The following LRMDA variants were observed in gnomAD, a reference collection of about 807,000 sequenced individuals.
LRMDA encodes leucine rich melanocyte differentiation associated, also known as leucine-rich melanocyte differentiation-associated protein.
In LRMDA, 18 loss-of-function variants were observed where a neutral mutation model predicts 29.8. The ratio of observed to expected loss-of-function variants is 0.60; its 90% CI spans 0.42 to 0.90. The LOEUF (loss-of-function observed/expected upper bound fraction) is 0.90, where lower values mean the gene tolerates loss of function less well. Among genes scored for constraint, LRMDA ranks in the 40% least tolerant of loss-of-function variants. LRMDA has a pLI of 0.00. For missense variants in LRMDA, 273 were observed against 273.9 expected (o/e 1.00, Z 0.02); for synonymous variants, 125 against 109.4 (o/e 1.14, Z -0.89).
chr10:75,759,403 C>T (rs1843068935), intron 2 of LRMDA, among the ~76,000 whole-genome samples: 1 of 152,176 alleles, frequency 6.6e-6, no homozygotes, highest in African/African-American at 2.4e-5. Context: ...CATTTCTTTG[C>T]TTCTGTTTCT....
chr10:76,395,999 A>G (rs1020493814), intron 6 of LRMDA, among the ~76,000 whole-genome samples: 3 of 152,164 alleles, frequency 2.0e-5, no homozygotes, highest in African/African-American at 7.2e-5. Flanking sequence ...TCCTTGTGAA[A>G]AGAGAAGATT....
chr10:76,366,125 G>A (rs1315557998), intron 6 of LRMDA, among the ~76,000 whole-genome samples: 7 of 152,132 alleles, frequency 4.6e-5, no homozygotes, highest in Non-Finnish European at 7.3e-5. Flanking sequence ...CCAGTACCAC[G>A]CTGTTTTGAT....
At chr10:76,308,923 G>T (rs1840594377) in intron 5 of LRMDA, among the ~76,000 whole-genome samples, 1 of 152,106 alleles carries the variant, frequency 6.6e-6, no homozygotes, top group Non-Finnish European at 1.5e-5. Flanking sequence ...CCATTGCCTT[G>T]TGATTATGTT....
At chr10:76,453,720 G>GCCC (rs1185056186) in intron 6 of LRMDA, among the ~76,000 whole-genome samples, 1 of 152,130 alleles carries the variant, frequency 6.6e-6, no homozygotes, top group East Asian at 1.9e-4. Context: ...AGATCACATG[G>GCCC]ATTTTGATGT....
intron 2 of LRMDA, among the ~76,000 whole-genome samples, chr10:75,874,466 C>T (rs1845163425): frequency 6.6e-6 from 1 of 152,216 alleles, no homozygotes; most frequent in Admixed American, 6.5e-5. Flanking sequence ...CTGAGTTACA[C>T]TTAATAAGCA....
chr10:76,233,988 T>C (rs1469004566), intron 5 of LRMDA, among the ~76,000 whole-genome samples: 1 of 152,260 alleles, frequency 6.6e-6, no homozygotes, highest in Non-Finnish European at 1.5e-5. Context: ...ATGTTCTTAG[T>C]AACATCTAGA....
rs1049149525 is a variant in LRMDA, at chr10:76,525,997, A to G, written c.602-31212A>G. 2.6e-4 allele frequency among the ~76,000 whole-genome samples: 39 copies of G among 152,130 alleles called. 1 individual carries two copies. ...CAGCTCCCCAACTGGCTGATAATGA[A>G]CAGAAGTATTAGATTCACAATTTGC... On this transcript the variant is annotated intron_variant, in intron 6 of 6. Transcript: ENST00000611255.
At chr10:76,279,303 A>T (rs1201630861) in intron 5 of LRMDA, among the ~76,000 whole-genome samples, 1 of 152,196 alleles carries the variant, frequency 6.6e-6, no homozygotes, top group Non-Finnish European at 1.5e-5. Context: ...AAGGCTGTTG[A>T]TAACGAATGT....
intron 2 of LRMDA, among the ~76,000 whole-genome samples, chr10:75,727,611 C>T (rs1842645752): frequency 6.6e-6 from 1 of 152,148 alleles, no homozygotes; most frequent in Non-Finnish European, 1.5e-5. Flanking sequence ...TAACCATGTT[C>T]TTTAACGTGA....
chr10:76,095,271 G>C (rs894688325), intron 5 of LRMDA, among the ~76,000 whole-genome samples: 1 of 152,080 alleles, frequency 6.6e-6, no homozygotes, highest in Non-Finnish European at 1.5e-5. Context: ...TTATCATAAC[G>C]CATGTAAGAT....
intron 6 of LRMDA, among the ~76,000 whole-genome samples, chr10:76,325,919 G>T (rs1013959641): frequency 6.6e-6 from 1 of 152,186 alleles, no homozygotes; most frequent in Admixed American, 6.5e-5. Flanking sequence ...AAAATATTTG[G>T]AGTAATATTT....
At chr10:75,469,674 GC>G (rs1262803620) in intron 2 of LRMDA, among the ~76,000 whole-genome samples, 1 of 152,166 alleles carries the variant, frequency 6.6e-6, no homozygotes, top group African/African-American at 2.4e-5. Context: ...CATGAGGGGA[GC>G]CAGAGACTTC....
At chr10:75,567,425 A>C (rs1840387599) in intron 2 of LRMDA, among the ~76,000 whole-genome samples, 2 of 152,194 alleles carry the variant, frequency 1.3e-5, no homozygotes, top group South Asian at 4.1e-4. Context: ...TATCACAGGG[A>C]TGGATAGTGA....
chr10:76,183,519 C>T (rs1048400585), intron 5 of LRMDA, among the ~76,000 whole-genome samples: 1 of 152,102 alleles, frequency 6.6e-6, no homozygotes, highest in African/African-American at 2.4e-5. Context: ...CATTTCTGTT[C>T]AGAAAACTGA....
chr10:75,970,618 C>A (rs529170723), intron 2 of LRMDA, among the ~76,000 whole-genome samples: 1 of 152,284 alleles, frequency 6.6e-6, no homozygotes, highest in African/African-American at 2.4e-5. Context: ...GTTGCCCAAC[C>A]CTCCTTCTCT....
At chr10:76,129,683 G>T (rs904623484) in intron 5 of LRMDA, among the ~76,000 whole-genome samples, 1 of 152,164 alleles carries the variant, frequency 6.6e-6, no homozygotes, top group African/African-American at 2.4e-5. Flanking sequence ...TCTTCTCAGT[G>T]TGGGGTTCCA....
intron 2 of LRMDA, among the ~76,000 whole-genome samples, chr10:75,845,599 A>G (rs556243052): frequency 8.5e-5 from 13 of 152,320 alleles, no homozygotes; most frequent in Admixed American, 3.3e-4. Flanking sequence ...CCAGGATGCC[A>G]GGTAGCTGCA....
intron 2 of LRMDA, among the ~76,000 whole-genome samples, chr10:75,513,134 A>T (rs1031328933): frequency 5.9e-5 from 9 of 152,126 alleles, no homozygotes; most frequent in African/African-American, 2.2e-4. Context: ...GGGCCATCTG[A>T]CTTGAAGGTG....
chr10:75,824,806 G>A (rs1370310688), intron 2 of LRMDA, among the ~76,000 whole-genome samples: 1 of 152,210 alleles, frequency 6.6e-6, no homozygotes, highest in Non-Finnish European at 1.5e-5. Context: ...GGAAGACTAT[G>A]AAAACTTTGC....
Sources: allele counts gnomAD v4.1 joint callset (sites outside exome capture counted in the v4.1 genomes callset), GRCh38; gene constraint gnomAD v4.1.1; transcripts MANE v1.5; gene names NCBI Gene and HGNC (gene_info 2026-07-23, HGNC 2026-07-21).